The following SDK1 variants were observed in gnomAD, a reference collection of about 807,000 sequenced individuals.
The protein encoded by SDK1 is protein sidekick-1.
Under a neutral mutation model 245.5 loss-of-function variants are expected in SDK1, and 157 were observed. That is an observed-to-expected ratio of 0.64 (90% CI 0.56 to 0.73). SDK1 has a LOEUF of 0.73. Among genes scored for constraint, SDK1 ranks in the 30% least tolerant of loss-of-function variants. The pLI is 0.00. For missense variants in SDK1, 3,583 were observed against 3,002.3 expected (o/e 1.19, Z -4.52); for synonymous variants, 1,647 against 1,278.5 (o/e 1.29, Z -6.15).
intron 5 of SDK1, 30 bp downstream of exon 5, chr7:3,821,613 T>C (rs755321960): frequency 3.1e-6 from 5 of 1,607,424 alleles, no homozygotes; most frequent in East Asian, 4.5e-5. Flanking sequence ...ATGGTAATTC[T>C]GCAAGCAATA....
intron 17 of SDK1, among the ~76,000 whole-genome samples, chr7:4,046,820 A>AT (rs36034512): frequency 0.018 from 2,630 of 147,668 alleles, 61 homozygotes; most frequent in African/African-American, 0.055. Context: ...TCTAGCTGTG[A>AT]TTTTTTTTTT....
At chr7:4,013,489 A>T (rs930328607) in intron 16 of SDK1, among the ~76,000 whole-genome samples, 1 of 152,352 alleles carries the variant, frequency 6.6e-6, no homozygotes, top group East Asian at 1.9e-4. Context: ...GTGGCTAACA[A>T]AGGTCTTCAG....
chr7:3,656,808 C>T (rs1398659607), intron 4 of SDK1, among the ~76,000 whole-genome samples: 1 of 149,432 alleles, frequency 6.7e-6, no homozygotes, highest in Non-Finnish European at 1.5e-5. Flanking sequence ...ACTGCAGTGG[C>T]GCAATCTCGG....
Position 3,750,960 on chromosome 7 carries a change from C to A in SDK1, c.714-70490C>A, listed in dbSNP as rs946017955. Among the ~76,000 whole-genome samples the A allele has an allele frequency of 1.1e-4, 17 of 152,200 alleles. No individual in the cohort carries two copies. In the South Asian group the frequency reaches 2.1e-3, roughly 19 times the overall value. ...CTGTCCTCTTTATGCGACTGTTTTA[C>A]CTCCCTGCGGGTGCAGAATCTTTAC... On this transcript the variant is annotated intron_variant, in intron 4 of 44. Transcript: ENST00000404826.
At chr7:3,600,931 C>G (rs1724603857) in intron 1 of SDK1, among the ~76,000 whole-genome samples, 2 of 152,142 alleles carry the variant, frequency 1.3e-5, no homozygotes, top group Admixed American at 1.3e-4. Context: ...TTTTTAAGAT[C>G]ATGAATGTTG....
In SDK1 at chr7:3,946,978, T is replaced by G. The variant is rs140667291; in HGVS notation, c.848-3945T>G. Among the ~76,000 whole-genome samples the G allele has an allele frequency of 5.0e-3, 764 of 152,386 alleles. 1 individual carries two copies. Among genetic ancestry groups the G allele is most frequent in the Non-Finnish European group, 8.2e-3 (560 of 68,032 alleles). ...TTTAACTCCGTGTCTTAACAATATGTGTCTATTGCTAGTTCTTGATTTGCC... is the reference window on the plus strand; with the variant it reads ...TTTAACTCCGTGTCTTAACAATATGGGTCTATTGCTAGTTCTTGATTTGCC... On this transcript the variant is annotated intron_variant, in intron 5 of 44. Coordinates refer to ENST00000404826, the MANE Select transcript of SDK1 (RefSeq NM_152744.4).
At chr7:3,974,277 T>C (rs1213678149) in intron 12 of SDK1, 92 bp from the exon 13 acceptor site, 6 of 1,013,022 alleles carry the variant, frequency 5.9e-6, no homozygotes, top group Non-Finnish European at 8.8e-6. Context: ...ATTCACAAGA[T>C]TGTTAGTTGC....
At chr7:3,734,655 G>C (rs937969488) in intron 4 of SDK1, among the ~76,000 whole-genome samples, 1 of 152,110 alleles carries the variant, frequency 6.6e-6, no homozygotes, top group Non-Finnish European at 1.5e-5. Flanking sequence ...ATTAAACCCC[G>C]GTTCTTTTCC....
intron 4 of SDK1, among the ~76,000 whole-genome samples, chr7:3,747,194 C>T (rs1779650163): frequency 6.6e-6 from 1 of 152,138 alleles, no homozygotes; most frequent in Non-Finnish European, 1.5e-5. Context: ...CAGTGTGACA[C>T]AGAACTACCT....
At chr7:3,591,890 G>A (rs1239275733) in intron 1 of SDK1, among the ~76,000 whole-genome samples, 2 of 152,310 alleles carry the variant, frequency 1.3e-5, no homozygotes, top group South Asian at 2.1e-4. Flanking sequence ...AGGGAACCTG[G>A]GGTGGTGTCT....
intron 22 of SDK1, among the ~76,000 whole-genome samples, chr7:4,104,431 T>G (rs1782773747): frequency 1.3e-5 from 2 of 152,210 alleles, no homozygotes; most frequent in African/African-American, 4.8e-5. Flanking sequence ...ACTTACTGTT[T>G]GTTGATTTGG....
At chr7:4,261,664 A>G (rs1483434624) in intron 44 of SDK1, among the ~76,000 whole-genome samples, 1 of 152,302 alleles carries the variant, frequency 6.6e-6, no homozygotes, top group South Asian at 2.1e-4. Context: ...ACTCCCAGGA[A>G]TCTGCTGCCT....
chr7:3,609,177 C>G (rs1231992780), intron 1 of SDK1, among the ~76,000 whole-genome samples: 6 of 152,088 alleles, frequency 3.9e-5, no homozygotes, highest in African/African-American at 1.2e-4. Context: ...CAGGTTTACT[C>G]TCTAATATGA....
At chr7:3,544,669 G>C (rs1004965449) in intron 1 of SDK1, among the ~76,000 whole-genome samples, 1 of 152,156 alleles carries the variant, frequency 6.6e-6, no homozygotes. Context: ...TTTTGTGATC[G>C]CATTCTGAAA....
At chr7:4,135,066 G>A (rs778045747) in intron 28 of SDK1, among the ~76,000 whole-genome samples, 1 of 152,194 alleles carries the variant, frequency 6.6e-6, no homozygotes, top group Non-Finnish European at 1.5e-5. Context: ...TCCTCAGCAC[G>A]CCCGCCGGAG....
chr7:3,835,523 A>AT (rs1227701962), intron 5 of SDK1, among the ~76,000 whole-genome samples: 1 of 151,840 alleles, frequency 6.6e-6, no homozygotes, highest in African/African-American at 2.4e-5. Flanking sequence ...TCCCAAAGCT[A>AT]TTTTTTCTCC....
chr7:3,609,661 A>T (rs978716121), intron 1 of SDK1, among the ~76,000 whole-genome samples: 1 of 151,862 alleles, frequency 6.6e-6, no homozygotes, highest in Non-Finnish European at 1.5e-5. Flanking sequence ...CAGCCTCCCA[A>T]AGTGCTGGGA....
intron 4 of SDK1, among the ~76,000 whole-genome samples, chr7:3,675,030 C>G (rs186370098): frequency 4.6e-4 from 70 of 152,298 alleles, no homozygotes; most frequent in Admixed American, 7.8e-4. Context: ...AAATTCTGTA[C>G]ATGGGTTAGA....
chr7:3,326,251 T>A (rs1779938190), intron 1 of SDK1, among the ~76,000 whole-genome samples: 1 of 152,178 alleles, frequency 6.6e-6, no homozygotes, highest in Non-Finnish European at 1.5e-5. Flanking sequence ...TTTCTAGAAA[T>A]CTCTATGGTT....
Sources: gnomAD v4.1 joint callset for allele counts (sites outside exome capture counted in the v4.1 genomes callset) on GRCh38, gnomAD v4.1.1 for gene constraint, MANE v1.5 for transcripts, NCBI Gene and HGNC (gene_info 2026-07-23, HGNC 2026-07-21) for gene names.